The following UBR4 variants were observed in gnomAD, a reference collection of about 807,000 sequenced individuals.
UBR4 encodes the protein ubiquitin protein ligase E3 component n-recognin 4.
UBR4 carries 124 observed loss-of-function variants against 575.6 expected under a neutral mutation model. The observed-to-expected ratio is 0.22, with a 90% CI of 0.19 to 0.25. UBR4 has a LOEUF of 0.25. UBR4 is among the 10% of genes least tolerant of loss of function. The probability of loss-of-function intolerance (pLI) is 1.00; values close to 1 mark genes in which losing one functional copy is unlikely to be tolerated. For missense variants in UBR4, 4,818 were observed against 6,478.8 expected, an observed-to-expected ratio of 0.74 and a Z score of 8.80; for synonymous variants, 2,455 against 2,473.7, an observed-to-expected ratio of 0.99 and a Z score of 0.22.
chr1:19,166,022 C>A (rs1430280789), intron 29 of UBR4, among the ~76,000 whole-genome samples: 1 of 152,200 alleles, frequency 6.6e-6, no homozygotes, highest in Non-Finnish European at 1.5e-5. Context: ...CAGTCCTAAT[C>A]CAGATCTGCC....
At chr1:19,084,307 A>G (rs1340825128) in intron 102 of UBR4, among the ~76,000 whole-genome samples, 197 bp downstream of exon 102, 2 of 152,154 alleles carry the variant, frequency 1.3e-5, no homozygotes, top group Non-Finnish European at 2.9e-5. Flanking sequence ...TGGGGGAAGG[A>G]AGTTCCCTTT....
chr1:19,161,605 T>G lies in UBR4; in HGVS notation c.5159A>C (p.Glu1720Ala). 6.2e-7 allele frequency: 1 copy of G among 1,610,424 alleles called. No homozygotes were observed. Among genetic ancestry groups the G allele is most frequent in the Non-Finnish European group, 8.5e-7 (1 of 1,178,332 alleles). ...GSFFCDCGAK[E>A]DGSCLALVKR... ...TCCTCTCACCAAACAGCTGCCATCT[T>G]CCTTGGCTCCACAGTCACAGAAGAA... The change falls in exon 37 of 106, where the codon GAA (glutamate) becomes GCA (alanine). Residue 1720 changes from glutamate (E) to alanine (A), a missense_variant. Physicochemically the swap from Glu to Ala is moderately radical, Grantham distance 107. Coordinates refer to ENST00000375254, the MANE Select transcript of UBR4 (RefSeq NM_020765.3).
chr1:19,084,764 C>T, intron 101 of UBR4, 66 bp from the exon 102 acceptor site: 1 of 1,482,840 alleles, frequency 6.7e-7, no homozygotes, highest in Non-Finnish European at 9.2e-7. Flanking sequence ...GTTTGGGAGA[C>T]AGAGCCTCCT....
In UBR4 at chr1:19,198,011, T is replaced by TTGA; in HGVS notation, c.684_686dup (p.Asp228_Gln229insHis). ...CATTCTTGGTTTTGATAGCTGAGGC[T>TTGA]TGATCTGTAGATGACTGCTCATCAT... On this transcript the variant is annotated inframe_insertion, in exon 6 of 106. Coordinates refer to ENST00000375254, the MANE Select transcript of UBR4 (RefSeq NM_020765.3). The TTGA allele has an allele frequency of 6.2e-7, 1 of 1,614,118 alleles. No homozygotes were observed. Among genetic ancestry groups the TTGA allele is most frequent in the Non-Finnish European group, 8.5e-7 (1 of 1,180,044 alleles).
chr1:19,175,533 A>G (rs1030109203), intron 20 of UBR4, among the ~76,000 whole-genome samples: 7 of 152,218 alleles, frequency 4.6e-5, no homozygotes, highest in African/African-American at 1.7e-4. Flanking sequence ...GCAAACACAC[A>G]CTAAAAATGA....
In UBR4 at chr1:19,163,810, T is replaced by C. The variant is rs758626268; in HGVS notation, c.4718A>G (p.Gln1573Arg). The C allele has an allele frequency of 1.9e-6, 3 of 1,614,152 alleles. No individual in the cohort carries two copies. The highest frequency in any genetic ancestry group is 1.3e-5 in the African/African-American group (1 of 75,042). ...WLSRCKKYLS[Q>R]KNVVEKLNAN... ...ATTCAGTTTTTCAACTACATTCTTCTGTGACAGGTATTTCTTGCTGTCCCA... is the reference window on the plus strand; with the variant it reads ...ATTCAGTTTTTCAACTACATTCTTCCGTGACAGGTATTTCTTGCTGTCCCA... The change falls in exon 34 of 106, where the codon CAG becomes CGG. Residue 1573 changes from glutamine (Q) to arginine (R), a missense_variant. This residue lies in a region of UBR4 where 1,172 missense variants were observed against 1,259.7 expected (regional missense o/e 0.93). Coordinates refer to ENST00000375254, the MANE Select transcript of UBR4 (RefSeq NM_020765.3).
intron 104 of UBR4, 97 bp downstream of exon 104, chr1:19,077,879 G>T: frequency 6.2e-7 from 1 of 1,603,352 alleles, no homozygotes; most frequent in Non-Finnish European, 8.5e-7. Context: ...GCCCAGCGGA[G>T]GAGCAGCCAT....
chr1:19,121,138 A>G (rs779837894), intron 68 of UBR4, 51 bp downstream of exon 68: 1 of 1,589,112 alleles, frequency 6.3e-7, no homozygotes, highest in Non-Finnish European at 8.6e-7. Context: ...GTGCTCCAAG[A>G]GAGATTTACA....
Position 19,100,704 on chromosome 1 carries a change from A to G in UBR4, c.13024-131T>C. ...AAGCCCCCCAAACATTTAAAGATACAAAGGACAGGAAACTCAGAGGTACTT... is the reference window on the plus strand; with the variant it reads ...AAGCCCCCCAAACATTTAAAGATACGAAGGACAGGAAACTCAGAGGTACTT... On this transcript the variant is annotated intron_variant, in intron 88 of 105. Transcript: ENST00000375254. The surrounding 1 kb of genome is among the most constrained non-coding windows in gnomAD (Gnocchi z 4.2). 1 of 830,696 alleles carries G rather than the reference A, an allele frequency of 1.2e-6. No homozygotes were observed. Among genetic ancestry groups the G allele is most frequent in the African/African-American group, 1.7e-5 (1 of 58,208 alleles). 51.5% of individuals were successfully genotyped at this position (830,696 alleles called of 1,614,324 possible). A position where few individuals can be genotyped will look rare whatever the true frequency, so the allele number is the denominator to read the frequency against.
chr1:19,110,287 C>T lies in UBR4; in HGVS notation c.11978-64G>A, dbSNP rs572841312. 1.4e-5 allele frequency: 22 copies of T among 1,613,058 alleles called. No individual in the cohort carries two copies. Among genetic ancestry groups the T allele is most frequent in the East Asian group, 1.3e-4 (6 of 44,844 alleles). On this transcript the variant is annotated intron_variant, in intron 80 of 105. Transcript: ENST00000375254. This position sits in a 1 kb window ranked among gnomAD's most constrained non-coding sequence, Gnocchi z 4.5. ...CACTACACATCTGCTCTGCAGAGGC[C>T]GCCCAAGCATCAGTTTCCCTCCTCC...
rs543976582 is a variant in UBR4 at position 19,168,107 on chromosome 1, G to T, written c.3819C>A (p.Leu1273=). 3 of 1,613,706 alleles carry T rather than the reference G, an allele frequency of 1.9e-6. No individual in the cohort carries two copies. In the East Asian group the frequency reaches 6.7e-5, roughly 36 times the overall value. The change falls in exon 28 of 106, where the codon CTC becomes CTA. Residue 1273 remains leucine (L), a synonymous_variant. Coordinates refer to ENST00000375254, the MANE Select transcript of UBR4 (RefSeq NM_020765.3). ...SAVQAAHLGT[L]CSQSLPLAAS... ...CAGCCAGGGGCAGACTTTGGCTACA[G>T]AGAGTCCCCAGGTGTGCAGCCTGCA...
rs766494712 is a variant in UBR4 at position 19,160,895 on chromosome 1, A to G, written c.5406+22T>C. On this transcript the variant is annotated intron_variant, in intron 38 of 105. Coordinates refer to ENST00000375254, the MANE Select transcript of UBR4 (RefSeq NM_020765.3). ...AGGCTCTGAACTCTGTCTGCTTACT[A>G]GGGAGCATCAGTCAGCCCCACCTGG... is the stretch of plus-strand genomic sequence containing the variant. 5 of 1,609,334 alleles carry G rather than the reference A, an allele frequency of 3.1e-6. No homozygotes were observed. The African/African-American group carries it at 6.7e-5, about 21-fold the overall frequency.
chr1:19,187,422 A>G lies in UBR4; in HGVS notation c.1494+19T>C. On this transcript the variant is annotated intron_variant, in intron 12 of 105. Coordinates refer to ENST00000375254, the MANE Select transcript of UBR4 (RefSeq NM_020765.3). The stretch of plus-strand genomic sequence containing the variant: ...TCCCGCAATCAATATGCTGATTACC[A>G]TGGGGATAACCTCCTCACCTTGTGA... 11 of 1,613,928 alleles carry G rather than the reference A, an allele frequency of 6.8e-6. No individual in the cohort carries two copies. The highest frequency in any genetic ancestry group is 9.3e-6 in the Non-Finnish European group (11 of 1,179,864).
At chr1:19,094,495 A>C (rs1454192267) in intron 94 of UBR4, among the ~76,000 whole-genome samples, 1 of 152,186 alleles carries the variant, frequency 6.6e-6, no homozygotes, top group African/African-American at 2.4e-5. Flanking sequence ...GTGGAGAGAA[A>C]TTCTGGGAGT....
At chr1:19,140,045 G>A (rs2083674155) in intron 58 of UBR4, among the ~76,000 whole-genome samples, 1 of 152,092 alleles carries the variant, frequency 6.6e-6, no homozygotes, top group Non-Finnish European at 1.5e-5. Context: ...GGCAGCAGGT[G>A]GGGCCAGCCG....
chr1:19,143,389 A>G (rs1443068565), intron 55 of UBR4, among the ~76,000 whole-genome samples: 2 of 152,238 alleles, frequency 1.3e-5, no homozygotes, highest in African/African-American at 4.8e-5. Context: ...CCAGAATTAT[A>G]TAATTCTGTT....
chr1:19,152,325 C>G lies in UBR4; in HGVS notation c.6984G>C (p.Val2328=). The G allele has an allele frequency of 6.2e-7, 1 of 1,613,912 alleles. No individual in the cohort carries two copies. Among genetic ancestry groups the G allele is most frequent in the Non-Finnish European group, 8.5e-7 (1 of 1,179,830 alleles). Residue 2328 remains valine (V), a synonymous_variant, in exon 47 of 106, where the codon GTG becomes GTC. Transcript: ENST00000375254. The surrounding 1 kb of genome is among the most constrained non-coding windows in gnomAD (Gnocchi z 4.4). ...GTGCCATTCTTACCTTGGTGTTGGC[C>G]ACATACATGCCAGTGGAATTCAGCC... ...KHRLNSTGMY[V]ANTKPGGFTI... is the part of the protein sequence containing the mutation.
At chr1:19,163,887 G>A (rs575092755) in intron 33 of UBR4, 60 bp from the exon 34 acceptor site, 404 of 1,541,938 alleles carry the variant, frequency 2.6e-4, no homozygotes, top group Non-Finnish European at 3.5e-4. Context: ...AGAAACCAAC[G>A]AAATGAGGCA....
chr1:19,118,794 A>G (rs2080869263), intron 71 of UBR4, 78 bp downstream of exon 71: 1 of 1,444,360 alleles, frequency 6.9e-7, no homozygotes, highest in Non-Finnish European at 9.7e-7. Flanking sequence ...ATTCCTATGT[A>G]AGAGCCTATC....
Sources: gnomAD v4.1 joint callset for allele counts (sites outside exome capture counted in the v4.1 genomes callset) on GRCh38, gnomAD v4.1.1 for gene constraint, gnomAD v4.1.1 regional missense constraint, Gnocchi (gnomAD v3.1) non-coding constraint, MANE v1.5 for transcripts, NCBI Gene and HGNC (gene_info 2026-07-23, HGNC 2026-07-21) for gene names.